PSME3IP1: variants seen among roughly 807,000 people sequenced by gnomAD.
PSME3IP1 encodes the protein PSME3-interacting protein.
PSME3IP1 carries 13 observed loss-of-function variants against 34.1 expected under a neutral mutation model. The observed-to-expected ratio is 0.38, with a 90% CI of 0.25 to 0.61. The LOEUF (loss-of-function observed/expected upper bound fraction) is 0.61, where lower values mean the gene tolerates loss of function less well. PSME3IP1 is among the 20% of genes least tolerant of loss of function. The probability of loss-of-function intolerance (pLI) is 0.60; values close to 1 mark genes in which losing one functional copy is unlikely to be tolerated. For synonymous variants in PSME3IP1, 93 were observed against 114.3 expected (o/e 0.81, Z 1.19); for missense variants, 237 against 301.4 (o/e 0.79, Z 1.58).
intron 1 of PSME3IP1, among the ~76,000 whole-genome samples, chr16:57,177,660 A>T (rs1309234612): frequency 6.6e-6 from 1 of 152,216 alleles, no homozygotes; most frequent in South Asian, 2.1e-4. Context: ...TGTCCTGAAA[A>T]CACAGTCACA....
chr16:57,175,920 A>C (rs1188893129), intron 1 of PSME3IP1, among the ~76,000 whole-genome samples: 2 of 152,370 alleles, frequency 1.3e-5, no homozygotes, highest in East Asian at 3.8e-4. Flanking sequence ...CTCAGCCTGA[A>C]TACTACTGTT....
chr16:57,168,802 T>TC (rs1339355109), intron 4 of PSME3IP1, among the ~76,000 whole-genome samples: 2 of 28,364 alleles, frequency 7.1e-5, no homozygotes, highest in East Asian at 2.5e-3. Flanking sequence ...AAACTCTGTC[T>TC]CAAAAAAAAA....
intron 1 of PSME3IP1, among the ~76,000 whole-genome samples, chr16:57,183,441 T>TC (rs1213297369): frequency 6.6e-6 from 1 of 152,120 alleles, no homozygotes. Flanking sequence ...CAAGCGATTC[T>TC]CCTACCTCTG....
chr16:57,154,538 A>G lies in PSME3IP1; in HGVS notation c.548-31T>C. On this transcript the variant is annotated intron_variant, in intron 6 of 6. Transcript: ENST00000309137. The surrounding 1 kb of genome is among the most constrained non-coding windows in gnomAD (Gnocchi z 4.0). The stretch of plus-strand genomic sequence containing the variant: ...ATAAAAGGGGAAAGACTGTCACTTC[A>G]TCACCCTTTTCCAAAGTTGGGGACT... 6.5e-7 allele frequency: 1 copy of G among 1,545,862 alleles called. No individual in the cohort carries two copies. The highest frequency in any genetic ancestry group is 8.8e-7 in the Non-Finnish European group (1 of 1,142,004).
intron 5 of PSME3IP1, 113 bp downstream of exon 5, chr16:57,166,980 G>A (rs138931829): frequency 8.1e-7 from 1 of 1,240,130 alleles, no homozygotes; most frequent in East Asian, 2.3e-5. Flanking sequence ...AGCACACCAA[G>A]GGAACTTCAC....
In PSME3IP1 at chr16:57,154,505, G is replaced by T. The variant is rs1352899164; in HGVS notation, c.550C>A (p.Pro184Thr). The T allele has an allele frequency of 6.2e-7, 1 of 1,602,076 alleles. No homozygotes were observed. Among genetic ancestry groups the T allele is most frequent in the South Asian group, 1.1e-5 (1 of 89,940 alleles). ...DPEPDDKNQEPSSCKSLGNTS... is the reference protein window; with the variant it reads ...DPEPDDKNQETSSCKSLGNTS... ...TTTCCGAGAGACTTGCAGGATGAGG[G>T]CTCTGCAATAAAAGGGGAAAGACTG... is the stretch of plus-strand genomic sequence containing the variant. The change falls in exon 7 of 7, where the codon CCC becomes ACC. Residue 184 changes from proline to threonine, a missense_variant and splice_region_variant. By Grantham distance (38) the Pro-to-Thr change is conservative (BLOSUM62 -1). Coordinates refer to ENST00000309137, the MANE Select transcript of PSME3IP1 (RefSeq NM_024946.4). This position sits in a 1 kb window ranked among gnomAD's most constrained non-coding sequence, Gnocchi z 4.0.
At chr16:57,157,616 T>C (rs1421366572) in intron 6 of PSME3IP1, among the ~76,000 whole-genome samples, 2 of 151,764 alleles carry the variant, frequency 1.3e-5, no homozygotes, top group Admixed American at 6.6e-5. Flanking sequence ...CCTTTTCTTT[T>C]TTTTCTTTTT....
At chr16:57,168,629 C>T (rs113895236) in intron 4 of PSME3IP1, among the ~76,000 whole-genome samples, 1 of 151,768 alleles carries the variant, frequency 6.6e-6, no homozygotes, top group Non-Finnish European at 1.5e-5. Context: ...TGGAGAAACC[C>T]TGTCTCTACT....
chr16:57,169,823 T>C (rs560744451), intron 4 of PSME3IP1, among the ~76,000 whole-genome samples: 48 of 152,300 alleles, frequency 3.2e-4, no homozygotes, highest in Non-Finnish European at 5.4e-4. Context: ...CAACACAATA[T>C]GGGTATCTGC....
intron 6 of PSME3IP1, among the ~76,000 whole-genome samples, chr16:57,162,906 T>A (rs1248253762): frequency 6.6e-6 from 1 of 152,160 alleles, no homozygotes; most frequent in Non-Finnish European, 1.5e-5. Context: ...GGCTCACTCC[T>A]GTAATCCCAG....
intron 6 of PSME3IP1, among the ~76,000 whole-genome samples, chr16:57,158,090 T>C (rs1318492829): frequency 6.6e-6 from 1 of 152,160 alleles, no homozygotes; most frequent in African/African-American, 2.4e-5. Context: ...GAAATCAGAA[T>C]GCAGGAAAAT....
chr16:57,173,808 A>G lies in PSME3IP1; in HGVS notation c.47T>C (p.Val16Ala), dbSNP rs2072898655. The G allele has an allele frequency of 6.2e-7, 1 of 1,613,946 alleles. No individual in the cohort carries two copies. Among genetic ancestry groups the G allele is most frequent in the African/African-American group, 1.3e-5 (1 of 74,898 alleles). The change falls in exon 2 of 7, where the codon GTG becomes GCG. Residue 16 changes from valine (V) to alanine (A), a missense_variant. Coordinates refer to ENST00000309137, the MANE Select transcript of PSME3IP1 (RefSeq NM_024946.4). ...DGNLIIKKRF[V>A]SEAELDERRK... ...CCGTTCATCTAGTTCTGCCTCAGAC[A>G]CAAACCTCTTTTTGATAATAAGGTT...
intron 5 of PSME3IP1, among the ~76,000 whole-genome samples, chr16:57,166,637 C>T (rs1409924535): frequency 1.3e-5 from 2 of 152,170 alleles, no homozygotes; most frequent in African/African-American, 4.8e-5. Context: ...ACACCCTACA[C>T]AGATCCTTTC....
rs549761814 is a variant in PSME3IP1 at position 57,183,055 on chromosome 16, A to G, written c.-16+2766T>C. Among the ~76,000 whole-genome samples the G allele has an allele frequency of 5.2e-5, 8 of 152,388 alleles. No individual in the cohort carries two copies. The South Asian group carries it at 1.7e-3, about 32-fold the overall frequency. Reference sequence around the variant, plus strand: ...GGCACACAGCAATTTAAGGAAAAGTAAAACTAGGTTACAGGCCATAAGAGG... The same window carrying G: ...GGCACACAGCAATTTAAGGAAAAGTGAAACTAGGTTACAGGCCATAAGAGG... On this transcript the variant is annotated intron_variant, in intron 1 of 6. Coordinates refer to ENST00000309137, the MANE Select transcript of PSME3IP1 (RefSeq NM_024946.4).
At chr16:57,172,740 C>T (rs1271608766) in intron 3 of PSME3IP1, 36 bp downstream of exon 3, 2 of 1,474,142 alleles carry the variant, frequency 1.4e-6, no homozygotes. Context: ...AAGTACCCCA[C>T]AGAGCCCCTT....
chr16:57,179,045 G>C (rs370352940), intron 1 of PSME3IP1, among the ~76,000 whole-genome samples: 1 of 152,176 alleles, frequency 6.6e-6, no homozygotes, highest in African/African-American at 2.4e-5. Context: ...GGGATATCAG[G>C]GATACGGGCT....
At chr16:57,161,158 C>A (rs1246797365) in intron 6 of PSME3IP1, among the ~76,000 whole-genome samples, 2 of 152,212 alleles carry the variant, frequency 1.3e-5, no homozygotes, top group African/African-American at 4.8e-5. Context: ...AACTGACAAG[C>A]TGATCCCAAA....
intron 1 of PSME3IP1, among the ~76,000 whole-genome samples, chr16:57,175,041 G>C (rs1370716756): frequency 6.9e-6 from 1 of 144,192 alleles, no homozygotes; most frequent in Admixed American, 7.0e-5. Context: ...TTGAGATGAA[G>C]TCTCGTTCTG....
rs750543347 is a variant in PSME3IP1 at position 57,173,797 on chromosome 16, C to T, written c.58G>A (p.Glu20Lys). The T allele has an allele frequency of 8.7e-6, 14 of 1,613,964 alleles. No individual in the cohort carries two copies. Among genetic ancestry groups the T allele is most frequent in the Admixed American group, 1.7e-5 (1 of 60,000 alleles). Residue 20 changes from glutamate (E) to lysine (K), a missense_variant, in exon 2 of 7, where the codon GAA (glutamate) becomes AAA (lysine). Coordinates refer to ENST00000309137, the MANE Select transcript of PSME3IP1 (RefSeq NM_024946.4). ...CTCCTTTTGCGCCGTTCATCTAGTT[C>T]TGCCTCAGACACAAACCTCTTTTTG... Reference protein sequence around the residue: ...IIKKRFVSEAELDERRKRRQE... With the variant: ...IIKKRFVSEAKLDERRKRRQE...
Sources: allele counts gnomAD v4.1 joint callset (sites outside exome capture counted in the v4.1 genomes callset), GRCh38; gene constraint gnomAD v4.1.1; non-coding constraint Gnocchi (gnomAD v3.1); transcripts MANE v1.5; gene names NCBI Gene and HGNC (gene_info 2026-07-23, HGNC 2026-07-21).